The following MGAT4C variants were observed in gnomAD, a reference collection of about 807,000 sequenced individuals.
MGAT4C encodes the protein alpha-1,3-mannosyl-glycoprotein 4-beta-N-acetylglucosaminyltransferase C.
A neutral mutation model predicts 40.1 loss-of-function variants in MGAT4C; 19 were observed. The observed-to-expected ratio is 0.47, with a 90% CI of 0.33 to 0.70. The LOEUF is 0.70. Ranked by LOEUF, MGAT4C falls within the 30% of genes least tolerant of loss-of-function variation. MGAT4C has a pLI of 0.02. For synonymous variants in MGAT4C, 181 were observed against 187.1 expected (o/e 0.97, Z 0.27); for missense variants, 491 against 563.2 (o/e 0.87, Z 1.30).
intron 3 of MGAT4C, among the ~76,000 whole-genome samples, chr12:86,378,349 C>T (rs950809222): frequency 3.9e-5 from 6 of 152,160 alleles, no homozygotes; most frequent in Admixed American, 2.6e-4. Flanking sequence ...TTACATGGGA[C>T]TTGAATTTGG....
chr12:86,703,603 A>C (rs1478723394), intron 2 of MGAT4C, among the ~76,000 whole-genome samples: 1 of 152,206 alleles, frequency 6.6e-6, no homozygotes, highest in Non-Finnish European at 1.5e-5. Flanking sequence ...TGGTTTTTTA[A>C]ATGTAATGCT....
intron 1 of MGAT4C, among the ~76,000 whole-genome samples, chr12:86,773,239 C>G (rs987886831): frequency 6.6e-6 from 1 of 152,036 alleles, no homozygotes; most frequent in Non-Finnish European, 1.5e-5. Flanking sequence ...GGACCTAGTC[C>G]ACTATGACTG....
chr12:86,011,944 C>G, intron 2 of MGAT4C: 1 of 782,848 alleles, frequency 1.3e-6, no homozygotes, highest in Non-Finnish European at 1.6e-6. Context: ...GTTACTTGAG[C>G]AGGAGATCTT....
intron 1 of MGAT4C, among the ~76,000 whole-genome samples, chr12:86,073,052 C>T (rs765017871): frequency 1.3e-5 from 2 of 152,118 alleles, no homozygotes; most frequent in Non-Finnish European, 2.9e-5. Flanking sequence ...TTTTAGCTCC[C>T]GTAATTCCCA....
chr12:86,110,304 A>ATATAGTC (rs1555224774), intron 1 of MGAT4C, among the ~76,000 whole-genome samples: 1 of 101,376 alleles, frequency 9.9e-6, no homozygotes, highest in African/African-American at 4.8e-5. Context: ...GTCTCTCTAT[A>ATATAGTC]TATATATATA....
At chr12:86,607,918 GT>G (rs2136469994) in intron 2 of MGAT4C, among the ~76,000 whole-genome samples, 1 of 152,100 alleles carries the variant, frequency 6.6e-6, no homozygotes, top group African/African-American at 2.4e-5. Flanking sequence ...TGATTGATTA[GT>G]TGATTGATTG....
chr12:86,330,356 C>A (rs1954635414), intron 4 of MGAT4C, among the ~76,000 whole-genome samples: 1 of 152,158 alleles, frequency 6.6e-6, no homozygotes, highest in South Asian at 2.1e-4. Flanking sequence ...TTCACCATTT[C>A]TCTGGGACTT....
chr12:86,553,264 C>T (rs1959452229), intron 2 of MGAT4C, among the ~76,000 whole-genome samples: 1 of 151,964 alleles, frequency 6.6e-6, no homozygotes, highest in Non-Finnish European at 1.5e-5. Flanking sequence ...AAGTGTGATT[C>T]AATATTCTAT....
chr12:86,356,718 T>A (rs1955320830), intron 3 of MGAT4C, among the ~76,000 whole-genome samples: 1 of 152,132 alleles, frequency 6.6e-6, no homozygotes, highest in African/African-American at 2.4e-5. Flanking sequence ...GGAGACTCGC[T>A]CACTGCTAGC....
chr12:86,668,099 C>T (rs1203156946), intron 2 of MGAT4C, among the ~76,000 whole-genome samples: 1 of 152,214 alleles, frequency 6.6e-6, no homozygotes. Context: ...ACTTCTATAT[C>T]TTTGTATCAT....
At chr12:86,450,224 C>T (rs1022164403) in intron 2 of MGAT4C, among the ~76,000 whole-genome samples, 1 of 151,930 alleles carries the variant, frequency 6.6e-6, no homozygotes, top group Non-Finnish European at 1.5e-5. Flanking sequence ...TTTGTTTTTT[C>T]CCATACTCAT....
At chr12:86,208,518 A>AT (rs1383927794) in intron 1 of MGAT4C, among the ~76,000 whole-genome samples, 1 of 152,104 alleles carries the variant, frequency 6.6e-6, no homozygotes, top group Non-Finnish European at 1.5e-5. Flanking sequence ...TTAAGATGTA[A>AT]TTTTTTTAAA....
intron 2 of MGAT4C, among the ~76,000 whole-genome samples, chr12:86,607,522 C>T (rs1962084380): frequency 6.6e-6 from 1 of 152,056 alleles, no homozygotes; most frequent in Admixed American, 6.6e-5. Context: ...TAACATGAGA[C>T]ATTATTCTCC....
chr12:86,598,903 A>G (rs942396693), intron 2 of MGAT4C, among the ~76,000 whole-genome samples: 1 of 152,156 alleles, frequency 6.6e-6, no homozygotes, highest in Non-Finnish European at 1.5e-5. Context: ...TGTCTACACC[A>G]TTTTGTTTAG....
rs1882860068 is a variant in MGAT4C, at chr12:85,957,547, C to G, written c.*21742G>C. On this transcript the variant is annotated 3_prime_UTR_variant, in exon 5 of 5. Transcript: ENST00000611864. ...TATATCTGTTAGCTGTGAAGGAAGA[C>G]AAAAATTGACCTTTATCCTACTATC... The G allele has an allele frequency of 1.4e-5, 2 of 147,334 alleles. No homozygotes were observed. The highest frequency in any genetic ancestry group is 1.4e-4 in the Admixed American group (2 of 14,314). 9.1% of individuals were successfully genotyped at this position (147,334 alleles called of 1,614,324 possible). A position where few individuals can be genotyped will look rare whatever the true frequency, so the allele number is the denominator to read the frequency against.
intron 2 of MGAT4C, chr12:86,599,604 GTATCACA>G (rs1961687318): frequency 6.6e-6 from 1 of 152,118 alleles, no homozygotes; most frequent in South Asian, 2.1e-4. Context: ...ACAGTCTAAA[GTATCACA>G]TATCTGAGCT....
chr12:86,289,369 A>T (rs571382400), intron 4 of MGAT4C, among the ~76,000 whole-genome samples: 1 of 152,196 alleles, frequency 6.6e-6, no homozygotes, highest in African/African-American at 2.4e-5. Flanking sequence ...CTTTTTGCTT[A>T]AGATTACCTT....
At chr12:86,681,153 T>C (rs1392279426) in intron 2 of MGAT4C, among the ~76,000 whole-genome samples, 2 of 151,992 alleles carry the variant, frequency 1.3e-5, no homozygotes, top group Admixed American at 6.6e-5. Context: ...ATATTTATTA[T>C]CCATGTAATC....
chr12:86,532,559 G>T (rs1426570837), intron 2 of MGAT4C, among the ~76,000 whole-genome samples: 1 of 151,932 alleles, frequency 6.6e-6, no homozygotes, highest in Non-Finnish European at 1.5e-5. Context: ...GGCATTCAAA[G>T]AATAATTTTG....
Sources: allele counts gnomAD v4.1 joint callset (sites outside exome capture counted in the v4.1 genomes callset), GRCh38; gene constraint gnomAD v4.1.1; transcripts MANE v1.5; gene names NCBI Gene and HGNC (gene_info 2026-07-23, HGNC 2026-07-21).